RBFOX1: variants seen among roughly 807,000 people sequenced by gnomAD.
RBFOX1 encodes RNA binding fox-1 homolog 1.
In RBFOX1, 8 loss-of-function variants were observed where a neutral mutation model predicts 57.7. That is an observed-to-expected ratio of 0.14 (90% CI 0.08 to 0.25). The LOEUF is 0.25. RBFOX1 is among the 10% of genes least tolerant of loss of function. RBFOX1 has a pLI of 1.00. For synonymous variants in RBFOX1, 326 were observed against 222.4 expected (o/e 1.47, Z -4.15); for missense variants, 611 against 548.5 (o/e 1.11, Z -1.14).
At chr16:6,644,195 G>C (rs1453378508) in intron 2 of RBFOX1, among the ~76,000 whole-genome samples, 1 of 152,256 alleles carries the variant, frequency 6.6e-6, no homozygotes, top group South Asian at 2.1e-4. Context: ...CTCATATTCA[G>C]TGACTTGTCT....
At chr16:6,861,765 T>C (rs1426996563) in intron 3 of RBFOX1, among the ~76,000 whole-genome samples, 1 of 151,134 alleles carries the variant, frequency 6.6e-6, no homozygotes, top group Non-Finnish European at 1.5e-5. Flanking sequence ...TAATAAGTAT[T>C]TGGCCAAAGT....
intron 1 of RBFOX1, among the ~76,000 whole-genome samples, chr16:5,296,237 C>T (rs1220652835): frequency 6.6e-6 from 1 of 152,326 alleles, no homozygotes; most frequent in African/African-American, 2.4e-5. Flanking sequence ...TTATGAAAAG[C>T]AGCATCTGCA....
intron 3 of RBFOX1, among the ~76,000 whole-genome samples, chr16:6,755,671 C>G (rs1309498345): frequency 6.6e-6 from 1 of 152,128 alleles, no homozygotes; most frequent in Non-Finnish European, 1.5e-5. Flanking sequence ...CTTTTAATCA[C>G]TTTGCTATAA....
chr16:7,075,840 A>G (rs987252599), intron 4 of RBFOX1, among the ~76,000 whole-genome samples: 2 of 152,040 alleles, frequency 1.3e-5, no homozygotes, highest in Admixed American at 6.5e-5. Flanking sequence ...TCAGCTTCCC[A>G]AAGTGCTGGG....
chr16:5,509,454 G>A (rs1425208621), intron 2 of RBFOX1, among the ~76,000 whole-genome samples: 1 of 152,224 alleles, frequency 6.6e-6, no homozygotes, highest in African/African-American at 2.4e-5. Context: ...TCACAATTGT[G>A]TCTCCAATGA....
At chr16:6,572,550 G>A (rs1191341198) in intron 2 of RBFOX1, among the ~76,000 whole-genome samples, 1 of 151,842 alleles carries the variant, frequency 6.6e-6, no homozygotes, top group Non-Finnish European at 1.5e-5. Flanking sequence ...AGATTGCTGA[G>A]TCTTCCCCAG....
At chr16:5,584,555 T>A (rs7196743) in intron 2 of RBFOX1, among the ~76,000 whole-genome samples, 95,565 of 152,154 alleles carry the variant, frequency 0.63, 32,123 homozygotes, top group East Asian at 0.98. Flanking sequence ...GCTGGCTTTT[T>A]TCCCCCTTCA....
At chr16:5,967,658 C>G (rs569924688) in intron 4 of RBFOX1, among the ~76,000 whole-genome samples, 22 of 152,274 alleles carry the variant, frequency 1.4e-4, no homozygotes, top group Admixed American at 5.9e-4. Context: ...TTTAACAAAT[C>G]TATTCTCTGT....
chr16:7,320,967 A>G (rs946927345), intron 4 of RBFOX1, among the ~76,000 whole-genome samples: 7 of 152,208 alleles, frequency 4.6e-5, no homozygotes, highest in South Asian at 2.1e-4. Flanking sequence ...TATGGCTTCA[A>G]TAGCTGAGTT....
At chr16:6,185,756 A>G (rs540080207) in intron 1 of RBFOX1, among the ~76,000 whole-genome samples, 2 of 152,360 alleles carry the variant, frequency 1.3e-5, no homozygotes, top group Admixed American at 1.3e-4. Context: ...TTAAAACACT[A>G]TAATTTCATG....
intron 14 of RBFOX1, among the ~76,000 whole-genome samples, chr16:7,685,844 A>G (rs2040339429): frequency 6.6e-6 from 1 of 152,036 alleles, no homozygotes; most frequent in South Asian, 2.1e-4. Flanking sequence ...CAGATCTTTT[A>G]TTCTCATTGG....
intron 4 of RBFOX1, among the ~76,000 whole-genome samples, chr16:7,436,289 C>T (rs1213852409): frequency 1.3e-5 from 2 of 152,082 alleles, no homozygotes; most frequent in African/African-American, 2.4e-5. Context: ...ATGTTATTTC[C>T]GGTTGGTTTT....
chr16:6,063,335 A>G lies in RBFOX1; in HGVS notation c.-127+43343A>G, dbSNP rs2095712820. Reference sequence around the variant, plus strand: ...CTACCTTCCTCATGATGAGGGGAACAGGGAAATCAATATGGGTTCATTAAC... The same window carrying G: ...CTACCTTCCTCATGATGAGGGGAACGGGGAAATCAATATGGGTTCATTAAC... On this transcript the variant is annotated intron_variant, in intron 1 of 15. Coordinates refer to ENST00000550418, the MANE Select transcript of RBFOX1 (RefSeq NM_018723.4). Among the ~76,000 whole-genome samples the G allele has an allele frequency of 2.0e-5, 3 of 152,110 alleles. 1 individual carries two copies. In the South Asian group the frequency reaches 6.2e-4, roughly 32 times the overall value.
intron 1 of RBFOX1, among the ~76,000 whole-genome samples, chr16:5,439,636 G>A (rs2068023972): frequency 6.6e-6 from 1 of 152,072 alleles, no homozygotes; most frequent in Non-Finnish European, 1.5e-5. Flanking sequence ...AGATGATGGT[G>A]TCCTTTAATG....
intron 3 of RBFOX1, among the ~76,000 whole-genome samples, chr16:6,677,981 C>T (rs941333042): frequency 3.3e-5 from 5 of 152,108 alleles, no homozygotes; most frequent in Non-Finnish European, 5.9e-5. Flanking sequence ...TAATGTCAAA[C>T]ATATATGTAA....
chr16:7,369,330 T>G (rs1362723890), intron 4 of RBFOX1, among the ~76,000 whole-genome samples: 1 of 152,000 alleles, frequency 6.6e-6, no homozygotes, highest in Non-Finnish European at 1.5e-5. Flanking sequence ...TCATCCAGCT[T>G]TTCTGCAAAG....
chr16:7,249,816 G>C (rs1017783862), intron 4 of RBFOX1, among the ~76,000 whole-genome samples: 1 of 145,994 alleles, frequency 6.8e-6, no homozygotes, highest in Admixed American at 6.6e-5. Flanking sequence ...TCTGGAGTCA[G>C]TTCCTACAAG....
intron 3 of RBFOX1, among the ~76,000 whole-genome samples, chr16:5,790,316 G>C (rs1307908004): frequency 6.6e-6 from 1 of 152,182 alleles, no homozygotes. Context: ...ACGTATATGG[G>C]AAAGGCTTGC....
At chr16:7,190,979 G>T (rs1344196069) in intron 4 of RBFOX1, among the ~76,000 whole-genome samples, 1 of 151,866 alleles carries the variant, frequency 6.6e-6, no homozygotes, top group African/African-American at 2.4e-5. Context: ...CTTGAAAAAG[G>T]GGCCCAGGAA....
Sources: allele counts gnomAD v4.1 joint callset (sites outside exome capture counted in the v4.1 genomes callset), GRCh38; gene constraint gnomAD v4.1.1; transcripts MANE v1.5; gene names NCBI Gene and HGNC (gene_info 2026-07-23, HGNC 2026-07-21).